The following TMEM116 variants were observed in gnomAD, a reference collection of about 807,000 sequenced individuals.
TMEM116 encodes transmembrane protein 116.
TMEM116 carries 38 observed loss-of-function variants against 44.3 expected under a neutral mutation model. The observed-to-expected ratio is 0.86, with a 90% CI of 0.66 to 1.12. TMEM116 has a LOEUF of 1.12. Among genes scored for constraint, TMEM116 ranks in the 50% most tolerant of loss-of-function variants. TMEM116 has a pLI of 0.00. For missense variants in TMEM116, 354 were observed against 401.7 expected (o/e 0.88, Z 1.01); for synonymous variants, 132 against 144.8 (o/e 0.91, Z 0.64).
At chr12:111,946,441 C>CG (rs1456272858) in intron 4 of TMEM116, among the ~76,000 whole-genome samples, 4 of 152,110 alleles carry the variant, frequency 2.6e-5, no homozygotes, top group Non-Finnish European at 4.4e-5. Context: ...ACGGATGGGC[C>CG]AAAACAAAGA....
At chr12:111,970,302 G>C (rs1335479467) in intron 4 of TMEM116, among the ~76,000 whole-genome samples, 3 of 150,416 alleles carry the variant, frequency 2.0e-5, no homozygotes, top group Non-Finnish European at 4.4e-5. Flanking sequence ...AAAAAAGAAA[G>C]AAAAGAAAAT....
At chr12:111,962,611 T>C (rs536244952) in intron 4 of TMEM116, among the ~76,000 whole-genome samples, 14 of 152,332 alleles carry the variant, frequency 9.2e-5, no homozygotes, top group African/African-American at 3.4e-4. Flanking sequence ...TGGCTAGCCA[T>C]GTGCAGAAAA....
chr12:111,956,720 G>T (rs995001926), intron 4 of TMEM116, among the ~76,000 whole-genome samples: 4 of 152,166 alleles, frequency 2.6e-5, no homozygotes, highest in Non-Finnish European at 5.9e-5. Context: ...TCGCCGTGTT[G>T]GCTGGGCTGG....
intron 4 of TMEM116, among the ~76,000 whole-genome samples, chr12:111,991,217 CAA>C (rs59103081): frequency 1.4e-4 from 9 of 62,836 alleles, no homozygotes; most frequent in African/African-American, 3.2e-4. Flanking sequence ...GACTCTGTCT[CAA>C]AAAAAAAAAA....
chr12:111,978,986 C>T (rs1565931151), intron 4 of TMEM116, among the ~76,000 whole-genome samples: 1 of 152,052 alleles, frequency 6.6e-6, no homozygotes, highest in Non-Finnish European at 1.5e-5. Context: ...AAAATAAGAC[C>T]TTATACCTGT....
chr12:111,971,617 C>T (rs2075344207), intron 4 of TMEM116, among the ~76,000 whole-genome samples: 1 of 151,236 alleles, frequency 6.6e-6, no homozygotes, highest in Admixed American at 6.6e-5. Context: ...GAACAAAAAA[C>T]AGATGTAACA....
intron 4 of TMEM116, among the ~76,000 whole-genome samples, chr12:111,983,039 T>G (rs1206802161): frequency 6.6e-6 from 1 of 151,996 alleles, no homozygotes; most frequent in African/African-American, 2.4e-5. Flanking sequence ...TAATCCCACT[T>G]TGGGATTACA....
chr12:111,963,425 A>C (rs1337866928), intron 4 of TMEM116, among the ~76,000 whole-genome samples: 1 of 152,214 alleles, frequency 6.6e-6, no homozygotes, highest in African/African-American at 2.4e-5. Flanking sequence ...AACCAACCCA[A>C]ATGCCCGTCA....
intron 1 of TMEM116, among the ~76,000 whole-genome samples, chr12:112,008,438 C>T (rs901829132): frequency 6.6e-6 from 1 of 151,600 alleles, no homozygotes; most frequent in African/African-American, 2.4e-5. Flanking sequence ...CAAGATCATG[C>T]CACTGCACTC....
At chr12:111,957,121 G>GC (rs2074173397) in intron 4 of TMEM116, among the ~76,000 whole-genome samples, 1 of 150,912 alleles carries the variant, frequency 6.6e-6, no homozygotes, top group Non-Finnish European at 1.5e-5. Flanking sequence ...CCTCTGCCCG[G>GC]CCGCCCAGTC....
intron 4 of TMEM116, among the ~76,000 whole-genome samples, chr12:111,960,507 A>G (rs1456735355): frequency 2.0e-5 from 3 of 149,876 alleles, no homozygotes; most frequent in Non-Finnish European, 3.0e-5. Flanking sequence ...AAAAAAAAAA[A>G]AAAAAAAAAA....
chr12:111,948,450 C>T (rs1201777645), intron 4 of TMEM116, among the ~76,000 whole-genome samples: 1 of 152,186 alleles, frequency 6.6e-6, no homozygotes, highest in Admixed American at 6.5e-5. Context: ...CTTAGTGCTT[C>T]ATACAGTGCC....
chr12:111,993,398 G>C (rs2076733291), intron 3 of TMEM116: 1 of 547,786 alleles, frequency 1.8e-6, no homozygotes, highest in South Asian at 1.4e-5. Context: ...TGTTCTGCAA[G>C]TTTGGCTTTT....
chr12:111,943,691 C>A (rs1012711364), intron 4 of TMEM116, among the ~76,000 whole-genome samples: 2 of 152,132 alleles, frequency 1.3e-5, no homozygotes, highest in African/African-American at 2.4e-5. Context: ...CGTGCCACTA[C>A]GCCCCGCTAA....
At chr12:112,006,963 G>A (rs572847292) in intron 1 of TMEM116, among the ~76,000 whole-genome samples, 6 of 152,182 alleles carry the variant, frequency 3.9e-5, no homozygotes, top group Non-Finnish European at 8.8e-5. Flanking sequence ...AAAACAGCCA[G>A]ATGCAATGTC....
chr12:111,954,936 T>C (rs551877152), intron 4 of TMEM116, among the ~76,000 whole-genome samples: 2 of 152,328 alleles, frequency 1.3e-5, no homozygotes, highest in African/African-American at 2.4e-5. Flanking sequence ...TGGGAAAAAT[T>C]GTAGAAAGAT....
chr12:112,009,935 A>C (rs1049491203), intron 1 of TMEM116, among the ~76,000 whole-genome samples: 1 of 152,198 alleles, frequency 6.6e-6, no homozygotes, highest in Non-Finnish European at 1.5e-5. Flanking sequence ...GTATAACCGA[A>C]GTTATTTATA....
intron 4 of TMEM116, among the ~76,000 whole-genome samples, chr12:111,957,595 G>A (rs1336694925): frequency 3.4e-5 from 5 of 149,116 alleles, no homozygotes; most frequent in South Asian, 2.2e-4. Flanking sequence ...GCCCCCGCCC[G>A]GCCAGCCGCC....
At chr12:111,963,031 C>T (rs996357689) in intron 4 of TMEM116, among the ~76,000 whole-genome samples, 5 of 152,044 alleles carry the variant, frequency 3.3e-5, no homozygotes, top group Non-Finnish European at 5.9e-5. Flanking sequence ...CAAAAGAAGA[C>T]ATTATGCAGC....
Sources: gnomAD v4.1 joint callset for allele counts (sites outside exome capture counted in the v4.1 genomes callset) on GRCh38, gnomAD v4.1.1 for gene constraint, MANE v1.5 for transcripts, NCBI Gene and HGNC (gene_info 2026-07-23, HGNC 2026-07-21) for gene names.